SLC35D2: variants seen among roughly 807,000 people sequenced by gnomAD.
The protein encoded by SLC35D2 is nucleotide sugar transporter SLC35D2.
A neutral mutation model predicts 41.8 loss-of-function variants in SLC35D2; 43 were observed. That is an observed-to-expected ratio of 1.03 (90% confidence interval 0.81 to 1.33). SLC35D2 has a LOEUF of 1.33. SLC35D2 is among the 40% of genes most tolerant of loss of function. SLC35D2 has a pLI of 0.00. For missense variants in SLC35D2, 380 were observed against 408.4 expected (o/e 0.93, Z 0.60); for synonymous variants, 150 against 163.9 (o/e 0.92, Z 0.65).
chr9:96,336,389 C>A (rs936205807), intron 9 of SLC35D2, among the ~76,000 whole-genome samples: 10 of 152,090 alleles, frequency 6.6e-5, no homozygotes, highest in Admixed American at 3.3e-4. Flanking sequence ...AAAACAAAAA[C>A]CAAAAAATCC....
At chr9:96,321,872 G>T in intron 11 of SLC35D2, 126 bp downstream of exon 11, 1 of 612,156 alleles carries the variant, frequency 1.6e-6, no homozygotes, top group South Asian at 2.3e-5. Flanking sequence ...TTAGAAATTA[G>T]AATGTCAAAA....
At chr9:96,328,804 C>G (rs1365581529) in intron 9 of SLC35D2, among the ~76,000 whole-genome samples, 2 of 152,166 alleles carry the variant, frequency 1.3e-5, no homozygotes, top group Non-Finnish European at 2.9e-5. Flanking sequence ...ACATCATTCT[C>G]TTATAATTCC....
At chr9:96,332,914 T>A (rs1193759133) in intron 9 of SLC35D2, among the ~76,000 whole-genome samples, 2 of 151,696 alleles carry the variant, frequency 1.3e-5, no homozygotes, top group Non-Finnish European at 2.9e-5. Flanking sequence ...TTTTTTTTTT[T>A]TTTGAGACAG....
intron 1 of SLC35D2, among the ~76,000 whole-genome samples, chr9:96,383,159 A>AATAC (rs2131058344): frequency 6.6e-6 from 1 of 152,322 alleles, no homozygotes; most frequent in East Asian, 1.9e-4. Context: ...GCGTCCTTTG[A>AATAC]AGCAGGCATT....
chr9:96,326,399 T>C (rs35251463), intron 9 of SLC35D2, among the ~76,000 whole-genome samples: 20,292 of 152,248 alleles, frequency 0.13, 1,804 homozygotes, highest in East Asian at 0.28. Context: ...TAAACTTGAG[T>C]TAATAAGCCA....
intron 9 of SLC35D2, among the ~76,000 whole-genome samples, chr9:96,331,771 G>A (rs1266430856): frequency 6.6e-6 from 1 of 152,184 alleles, no homozygotes; most frequent in African/African-American, 2.4e-5. Flanking sequence ...CACAGCAAAA[G>A]GTGAGCAAGC....
chr9:96,329,669 T>C (rs548671517), intron 9 of SLC35D2, among the ~76,000 whole-genome samples: 121 of 152,210 alleles, frequency 7.9e-4, no homozygotes, highest in Middle Eastern at 6.8e-3. Flanking sequence ...TGCTCAGCCA[T>C]TGCAATTAAG....
chr9:96,383,556 GGGCCACCCGCGA>G lies in SLC35D2; in HGVS notation c.67_78del (p.Ser23_Ala26del), dbSNP rs1831300282. 6.7e-7 allele frequency: 1 copy of G among 1,500,740 alleles called. No homozygotes were observed. The highest frequency in any genetic ancestry group is 8.9e-7 in the Non-Finnish European group (1 of 1,124,556). 93.0% of individuals were successfully genotyped at this position (1,500,740 alleles called of 1,614,324 possible). On this transcript the variant is annotated inframe_deletion, in exon 1 of 12. Transcript: ENST00000253270. ...CCGTAGAAGAGCGCCGACAGCAGCC[GGGCCACCCGCGA>G]GGGCAGCCGCGCCGCGCCGGGCTCC...
intron 8 of SLC35D2, among the ~76,000 whole-genome samples, chr9:96,342,035 C>A (rs908200306): frequency 6.6e-6 from 1 of 151,328 alleles, no homozygotes; most frequent in Admixed American, 6.6e-5. Context: ...CAAAAAAAAA[C>A]CCTCGTTTCT....
At chr9:96,316,761 C>G (rs1828062708), downstream of SLC35D2, among the ~76,000 whole-genome samples, 1 of 130,282 alleles carries the variant, frequency 7.7e-6, no homozygotes, top group South Asian at 2.5e-4. Context: ...ATATTTCACT[C>G]TTCTCTAAAC....
At position 96,360,049 on chromosome 9, in the gene SLC35D2, A is replaced by G. The variant is rs1830194857; in HGVS notation, c.347+105T>C. 7.3e-6 allele frequency: 5 copies of G among 686,926 alleles called. No homozygotes were observed. In the Admixed American group the frequency reaches 8.3e-5, roughly 11 times the overall value. 42.6% of individuals were successfully genotyped at this position (686,926 alleles called of 1,614,324 possible). A position where few individuals can be genotyped will look rare whatever the true frequency, so the allele number is the denominator to read the frequency against. ...AAACTACTAAATATTATTGTCTTCTATATATGGTACAAGCACTATCAATGG... is the reference window on the plus strand; with the variant it reads ...AAACTACTAAATATTATTGTCTTCTGTATATGGTACAAGCACTATCAATGG... On this transcript the variant is annotated intron_variant, in intron 4 of 11. Transcript: ENST00000253270.
chr9:96,318,983 A>G (rs917035436), downstream of SLC35D2, among the ~76,000 whole-genome samples: 1 of 152,162 alleles, frequency 6.6e-6, no homozygotes, highest in Non-Finnish European at 1.5e-5. Context: ...TAAAAATAGA[A>G]AGACCACAGG....
chr9:96,315,422 G>A (rs1219843033), intron 11 of SLC35D2, among the ~76,000 whole-genome samples: 5 of 146,908 alleles, frequency 3.4e-5, no homozygotes, highest in Non-Finnish European at 5.9e-5. Flanking sequence ...TACTGTGCCC[G>A]GCCTTCACAG....
intron 6 of SLC35D2, among the ~76,000 whole-genome samples, chr9:96,345,632 G>A (rs1829540466): frequency 6.6e-6 from 1 of 152,202 alleles, no homozygotes; most frequent in East Asian, 1.9e-4. Flanking sequence ...GCGACATTAA[G>A]CATCTTCCTT....
chr9:96,335,357 C>T (rs576621239), intron 9 of SLC35D2, among the ~76,000 whole-genome samples: 1 of 152,056 alleles, frequency 6.6e-6, no homozygotes, highest in South Asian at 2.1e-4. Flanking sequence ...CCTATTTATT[C>T]TTTTTGTTTG....
In SLC35D2 at chr9:96,374,995, CT is replaced by C. The variant is rs373967703; in HGVS notation, c.159-6691del. 3.1e-3 allele frequency among the ~76,000 whole-genome samples: 423 copies of C among 136,060 alleles called. 1 individual carries two copies. The highest frequency in any genetic ancestry group is 4.3e-3 in the East Asian group (20 of 4,598). 89.3% of individuals were successfully genotyped at this position (136,060 alleles called of 152,430 possible). A position where few individuals can be genotyped will look rare whatever the true frequency, so the allele number is the denominator to read the frequency against. On this transcript the variant is annotated intron_variant, in intron 1 of 11. Transcript: ENST00000253270. ...CTAATATTTCTATTTTGTTTGAATTCTTTTTTTTTTTTTTGAGATTGAATCT... is the reference window on the plus strand; with the variant it reads ...CTAATATTTCTATTTTGTTTGAATTCTTTTTTTTTTTTTGAGATTGAATCT...
chr9:96,353,449 G>C lies in SLC35D2; in HGVS notation c.348-1340C>G, dbSNP rs577613142. Among the ~76,000 whole-genome samples, 15 of 152,198 alleles carry C rather than the reference G, an allele frequency of 9.9e-5. 1 individual carries two copies. The East Asian group carries it at 2.9e-3, about 29-fold the overall frequency. ...GCTCACTGCAATCCCCACCTCCCGG[G>C]TTCAAGCGATTCTCCTGCCTCAGCC... On this transcript the variant is annotated intron_variant, in intron 4 of 11. Transcript: ENST00000253270.
Position 96,343,946 on chromosome 9 carries a change from G to A in SLC35D2, c.642C>T (p.Ile214=), listed in dbSNP as rs748680403. The change falls in exon 8 of 12, where the codon ATC becomes ATT. Residue 214 remains isoleucine (I), a synonymous_variant. Coordinates refer to ENST00000253270, the MANE Select transcript of SLC35D2 (RefSeq NM_007001.3). ...TGGAGACACTAATAATAAGAGTTGG[G>A]ATAATCATGAAGCAGGCATTGTAGA... ...VLFYNACFMI[I]PTLIISVSTG... The A allele has an allele frequency of 6.2e-7, 1 of 1,600,038 alleles. No individual in the cohort carries two copies. Among genetic ancestry groups the A allele is most frequent in the East Asian group, 2.3e-5 (1 of 43,564 alleles).
chr9:96,326,542 G>T lies in SLC35D2; in HGVS notation c.753-2373C>A, dbSNP rs139406940. ...GTTTCGGCCAGGTGTGGTGGCTCACGCCTGTAATCCCAGCAGTTTGGGAGG... is the reference window on the plus strand; with the variant it reads ...GTTTCGGCCAGGTGTGGTGGCTCACTCCTGTAATCCCAGCAGTTTGGGAGG... On this transcript the variant is annotated intron_variant, in intron 9 of 11. Coordinates refer to ENST00000253270, the MANE Select transcript of SLC35D2 (RefSeq NM_007001.3). Among the ~76,000 whole-genome samples, 814 of 152,252 alleles carry T rather than the reference G, an allele frequency of 5.3e-3. 9 individuals carry two copies. The highest frequency in any genetic ancestry group is 0.018 in the African/African-American group (750 of 41,546).
Sources: allele counts gnomAD v4.1 joint callset (sites outside exome capture counted in the v4.1 genomes callset), GRCh38; gene constraint gnomAD v4.1.1; transcripts MANE v1.5; gene names NCBI Gene and HGNC (gene_info 2026-07-23, HGNC 2026-07-21).